The following ZNF438 variants were observed in gnomAD, a reference collection of about 807,000 sequenced individuals.
The protein encoded by ZNF438 is zinc finger protein 438.
ZNF438 carries 25 observed loss-of-function variants against 38.0 expected under a neutral mutation model. The ratio of observed to expected loss-of-function variants is 0.66; its 90% confidence interval spans 0.48 to 0.92. The LOEUF is 0.92. ZNF438 is among the 40% of genes least tolerant of loss of function. ZNF438 has a pLI of 0.00. For missense variants in ZNF438, 1,007 were observed against 999.6 expected, an observed-to-expected ratio of 1.01 and a Z score of -0.10; for synonymous variants, 372 against 364.1, an observed-to-expected ratio of 1.02 and a Z score of -0.25.
intron 3 of ZNF438, among the ~76,000 whole-genome samples, chr10:30,892,853 C>G (rs961057122): frequency 8.5e-5 from 13 of 152,192 alleles, no homozygotes; most frequent in African/African-American, 1.7e-4. Flanking sequence ...TATCTCAGCA[C>G]TTATAAAGCA....
chr10:30,981,560 A>T (rs545664560), intron 1 of ZNF438, among the ~76,000 whole-genome samples: 2 of 152,266 alleles, frequency 1.3e-5, no homozygotes, highest in South Asian at 4.2e-4. Context: ...ATATGAGATA[A>T]TGTAAGTAAA....
At chr10:30,951,608 GACAA>G (rs936453127) in intron 1 of ZNF438, among the ~76,000 whole-genome samples, 2 of 152,134 alleles carry the variant, frequency 1.3e-5, no homozygotes, top group African/African-American at 2.4e-5. Context: ...ACCAGCAACA[GACAA>G]ACAGAGAGCC....
At chr10:30,927,271 T>G (rs2045061645) in intron 2 of ZNF438, among the ~76,000 whole-genome samples, 1 of 152,186 alleles carries the variant, frequency 6.6e-6, no homozygotes, top group Non-Finnish European at 1.5e-5. Flanking sequence ...AGCCTTTGAC[T>G]GTTTGACCCT....
At chr10:31,031,643 C>A (rs2057302127) in intron 1 of ZNF438, among the ~76,000 whole-genome samples, 190 bp downstream of exon 1, 1 of 151,746 alleles carries the variant, frequency 6.6e-6, no homozygotes, top group Non-Finnish European at 1.5e-5. Flanking sequence ...GGCGCGGCCT[C>A]GCCTCCCGCA....
At chr10:30,869,951 G>A (rs1183316043) in intron 4 of ZNF438, among the ~76,000 whole-genome samples, 1 of 152,218 alleles carries the variant, frequency 6.6e-6, no homozygotes, top group Non-Finnish European at 1.5e-5. Flanking sequence ...TGTTCAATGT[G>A]AGGGCTGGAG....
intron 1 of ZNF438, among the ~76,000 whole-genome samples, chr10:30,949,095 T>C (rs1428561193): frequency 6.6e-6 from 1 of 152,224 alleles, no homozygotes; most frequent in African/African-American, 2.4e-5. Context: ...GGGCCAATAT[T>C]CAACATTCTT....
chr10:30,969,404 T>G (rs1043460054), intron 1 of ZNF438, among the ~76,000 whole-genome samples: 3 of 152,202 alleles, frequency 2.0e-5, no homozygotes, highest in African/African-American at 7.2e-5. Flanking sequence ...CTAGTTGCCT[T>G]AAACAACTGA....
At chr10:30,887,324 T>A (rs1367955320) in intron 3 of ZNF438, among the ~76,000 whole-genome samples, 1 of 152,226 alleles carries the variant, frequency 6.6e-6, no homozygotes, top group Non-Finnish European at 1.5e-5. Flanking sequence ...TGCTTCTCCC[T>A]GTGGCTTTGA....
chr10:30,875,387 G>A, intron 4 of ZNF438: 1 of 984,038 alleles, frequency 1.0e-6, no homozygotes, highest in Non-Finnish European at 1.2e-6. Flanking sequence ...TGAGAAAACT[G>A]AGGCTCAGGG....
chr10:30,899,741 T>C (rs113206714), intron 3 of ZNF438, among the ~76,000 whole-genome samples: 2,548 of 152,106 alleles, frequency 0.017, 63 homozygotes, highest in African/African-American at 0.059. Flanking sequence ...AGTGAATATG[T>C]ATAGTTTTTG....
At chr10:30,894,313 C>T (rs574487882) in intron 3 of ZNF438, among the ~76,000 whole-genome samples, 5 of 152,194 alleles carry the variant, frequency 3.3e-5, no homozygotes, top group East Asian at 1.9e-4. Flanking sequence ...GAGGACTAGA[C>T]AGTCCAGAGG....
chr10:30,981,991 T>A (rs2052217962), intron 1 of ZNF438, among the ~76,000 whole-genome samples: 1 of 152,158 alleles, frequency 6.6e-6, no homozygotes. Context: ...CTTTTAATGC[T>A]CTTCTAGCAC....
intron 4 of ZNF438, among the ~76,000 whole-genome samples, chr10:30,875,755 A>G (rs1177480222): frequency 6.6e-6 from 1 of 152,236 alleles, no homozygotes; most frequent in African/African-American, 2.4e-5. Flanking sequence ...AATCAAACCA[A>G]GCGGTCTAAT....
intron 1 of ZNF438, among the ~76,000 whole-genome samples, chr10:30,957,084 C>T (rs2048943049): frequency 6.6e-6 from 1 of 152,172 alleles, no homozygotes; most frequent in African/African-American, 2.4e-5. Flanking sequence ...AATAGCCATT[C>T]TAACTGGGGT....
At chr10:30,888,977 T>G (rs2040329346) in intron 3 of ZNF438, among the ~76,000 whole-genome samples, 1 of 152,220 alleles carries the variant, frequency 6.6e-6, no homozygotes, top group African/African-American at 2.4e-5. Flanking sequence ...CCAAACTAAT[T>G]TATACTCCCA....
chr10:30,906,899 C>T lies in ZNF438; in HGVS notation c.-32+2034G>A, dbSNP rs541623134. On this transcript the variant is annotated intron_variant, in intron 3 of 5. Transcript: ENST00000413025. Reference sequence around the variant, plus strand: ...TGTCAAACCAATCTTGCATTCCTTACATATATCCCATTTGGTCTTGGTTTC... The same window carrying T: ...TGTCAAACCAATCTTGCATTCCTTATATATATCCCATTTGGTCTTGGTTTC... 7.9e-5 allele frequency among the ~76,000 whole-genome samples: 12 copies of T among 152,330 alleles called. No individual in the cohort carries two copies. In the South Asian group the frequency reaches 2.3e-3, roughly 29 times the overall value.
At chr10:30,882,796 G>A (rs2039441804) in intron 3 of ZNF438, among the ~76,000 whole-genome samples, 2 of 152,018 alleles carry the variant, frequency 1.3e-5, no homozygotes, top group African/African-American at 4.8e-5. Flanking sequence ...GGTTCCAAGG[G>A]TATATACGTA....
intron 2 of ZNF438, among the ~76,000 whole-genome samples, chr10:30,928,791 A>G (rs1307469426): frequency 2.0e-5 from 3 of 152,072 alleles, no homozygotes; most frequent in Non-Finnish European, 4.4e-5. Flanking sequence ...CATCTCGTGG[A>G]GTTGGGGAAC....
rs550972618 is a variant in ZNF438 at position 31,014,410 on chromosome 10, G to A, written c.-192+17423C>T. ...TACCACTGTGTCCTCATATGGCAGC[G>A]GAAGAGCAAGAGTAAGCTCTCTGGT... is the stretch of plus-strand genomic sequence containing the variant. On this transcript the variant is annotated intron_variant, in intron 1 of 5. Coordinates refer to ENST00000413025, the Ensembl canonical transcript of ZNF438. Among the ~76,000 whole-genome samples the A allele has an allele frequency of 4.6e-5, 7 of 152,290 alleles. No individual in the cohort carries two copies. The East Asian group carries it at 7.7e-4, about 17-fold the overall frequency.
Sources: allele counts gnomAD v4.1 joint callset (sites outside exome capture counted in the v4.1 genomes callset), GRCh38; gene constraint gnomAD v4.1.1; transcripts MANE v1.5; gene names NCBI Gene and HGNC (gene_info 2026-07-23, HGNC 2026-07-21).